Variants in GRIN2A observed in about 807,000 individuals in gnomAD.
The protein encoded by GRIN2A is glutamate receptor ionotropic, NMDA 2A.
In GRIN2A, 22 loss-of-function variants were observed where a neutral mutation model predicts 113.4. The ratio of observed to expected loss-of-function variants is 0.19; its 90% CI spans 0.14 to 0.28. The LOEUF (loss-of-function observed/expected upper bound fraction) is 0.28, where lower values mean the gene tolerates loss of function less well. Ranked by LOEUF, GRIN2A falls within the 10% of genes least tolerant of loss-of-function variation. The pLI, the probability that GRIN2A is intolerant of heterozygous loss-of-function variation, is 1.00. For missense variants in GRIN2A, 1,502 were observed against 1,887.0 expected, an observed-to-expected ratio of 0.80 and a Z score of 3.78; for synonymous variants, 827 against 738.4, an observed-to-expected ratio of 1.12 and a Z score of -1.94.
chr16:9,946,119 T>C (rs2045012114), intron 2 of GRIN2A, among the ~76,000 whole-genome samples: 1 of 152,286 alleles, frequency 6.6e-6, no homozygotes, highest in African/African-American at 2.4e-5. Flanking sequence ...GCTTTCTAGA[T>C]CATTAGCAGG....
chr16:9,779,973 C>G (rs139248811), intron 11 of GRIN2A, among the ~76,000 whole-genome samples: 1 of 152,312 alleles, frequency 6.6e-6, no homozygotes, highest in Non-Finnish European at 1.5e-5. Flanking sequence ...GTTACATGAA[C>G]CAAGGTCACA....
At chr16:10,094,596 C>T (rs1037238433) in intron 2 of GRIN2A, among the ~76,000 whole-genome samples, 2 of 152,006 alleles carry the variant, frequency 1.3e-5, no homozygotes, top group Admixed American at 6.6e-5. Flanking sequence ...AGTACAGGCA[C>T]CCACCACAAT....
In GRIN2A at chr16:9,820,268, A is replaced by G. The variant is rs1420043; in HGVS notation, c.2168+1996T>C. 9.1e-3 allele frequency among the ~76,000 whole-genome samples: 1,380 copies of G among 152,332 alleles called. 29 individuals are homozygous for G. Among genetic ancestry groups the G allele is most frequent in the African/African-American group, 0.032 (1,324 of 41,574 alleles). Reference sequence around the variant, plus strand: ...ACTGTCTCCAACCATTATCATCTGCATTTGTGCGCATGGTCTGTCCAAAAC... The same window carrying G: ...ACTGTCTCCAACCATTATCATCTGCGTTTGTGCGCATGGTCTGTCCAAAAC... On this transcript the variant is annotated intron_variant, in intron 10 of 12. Transcript: ENST00000330684.
intron 4 of GRIN2A, among the ~76,000 whole-genome samples, chr16:9,876,490 C>T (rs904698681): frequency 6.6e-6 from 1 of 152,142 alleles, no homozygotes; most frequent in African/African-American, 2.4e-5. Context: ...CCTCCATACA[C>T]TAGCGTTGGC....
intron 2 of GRIN2A, among the ~76,000 whole-genome samples, chr16:9,980,807 G>T (rs1427756589): frequency 7.6e-6 from 1 of 131,284 alleles, no homozygotes; most frequent in Non-Finnish European, 1.6e-5. Flanking sequence ...ATGGACACAG[G>T]AAGGGGAACA....
chr16:10,093,037 G>A (rs1238906377), intron 2 of GRIN2A, among the ~76,000 whole-genome samples: 3 of 151,930 alleles, frequency 2.0e-5, no homozygotes, highest in Admixed American at 6.6e-5. Flanking sequence ...GTGGGGTTTC[G>A]CCATGTTGGC....
rs1389945201 is a variant in GRIN2A at position 9,836,314 on chromosome 16, C to T, written c.1652-2084G>A. On this transcript the variant is annotated intron_variant, in intron 7 of 12. Transcript: ENST00000330684. The stretch of plus-strand genomic sequence containing the variant: ...AGCCAGAAATACTGGGGCAACAATA[C>T]GCTGTCCATGGTTCTGAAAAGGGCG... 3.9e-5 allele frequency among the ~76,000 whole-genome samples: 6 copies of T among 152,118 alleles called. 1 individual carries two copies. The highest frequency in any genetic ancestry group is 3.3e-4 in the Admixed American group (5 of 15,270).
chr16:10,064,740 C>G (rs190941984), intron 2 of GRIN2A, among the ~76,000 whole-genome samples: 2 of 152,332 alleles, frequency 1.3e-5, no homozygotes, highest in East Asian at 3.9e-4. Context: ...CTGACTCTTA[C>G]TTGCATAGTC....
intron 9 of GRIN2A, among the ~76,000 whole-genome samples, chr16:9,828,126 G>A (rs1033432788): frequency 6.6e-6 from 1 of 152,148 alleles, no homozygotes; most frequent in African/African-American, 2.4e-5. Context: ...GAGAAGATTG[G>A]GGAAGAACAT....
At chr16:9,982,456 C>T (rs3105690) in intron 2 of GRIN2A, among the ~76,000 whole-genome samples, 131,596 of 152,198 alleles carry the variant, frequency 0.86, 57,357 homozygotes, top group African/African-American at 0.93. Flanking sequence ...CCCGGAACTA[C>T]GCCAAAAAGA....
At chr16:10,123,296 T>C (rs1020600841) in intron 2 of GRIN2A, among the ~76,000 whole-genome samples, 1 of 152,210 alleles carries the variant, frequency 6.6e-6, no homozygotes, top group Non-Finnish European at 1.5e-5. Context: ...TACTTAGATG[T>C]AATACTATGT....
rs1373636631 is a variant in GRIN2A, at chr16:9,829,477, G to T, written c.1953C>A (p.Ala651=). The part of the protein sequence containing the change: ...FLASYTANLA[A]FMIQEEFVDQ... ...CCACAAATTCCTCTTGGATCATGAA[G>T]GCAGCCAGATTGGCTGTGTAGCTAG... The change falls in exon 9 of 13, where the codon GCC becomes GCA. Residue 651 remains alanine, a synonymous_variant. Coordinates refer to ENST00000330684, the MANE Select transcript of GRIN2A (RefSeq NM_001134407.3). The T allele has an allele frequency of 1.2e-6, 2 of 1,614,016 alleles. No individual in the cohort carries two copies. The highest frequency in any genetic ancestry group is 1.7e-6 in the Non-Finnish European group (2 of 1,179,930).
intron 2 of GRIN2A, among the ~76,000 whole-genome samples, chr16:10,086,622 A>C (rs975402132): frequency 1.3e-5 from 2 of 151,716 alleles, no homozygotes; most frequent in African/African-American, 4.8e-5. Flanking sequence ...AAAAAAAAAA[A>C]AAAAGGAAAC....
At position 9,849,885 on chromosome 16, in the gene GRIN2A, T is replaced by A. The variant is rs2042851887; in HGVS notation, c.1199A>T (p.Glu400Val). 1 of 1,613,906 alleles carries A rather than the reference T, an allele frequency of 6.2e-7. No individual in the cohort carries two copies. The highest frequency in any genetic ancestry group is 8.5e-7 in the Non-Finnish European group (1 of 1,179,926). Reference sequence around the variant, plus strand: ...GATGCTGAGATGGTTGTCATCCGGCTCACAGTCGGAGAAGGACTTGTACCT... The same window carrying A: ...GATGCTGAGATGGTTGTCATCCGGCACACAGTCGGAGAAGGACTTGTACCT... ...WPRYKSFSDCEPDDNHLSIVT... is the reference protein window; with the variant it reads ...WPRYKSFSDCVPDDNHLSIVT... Residue 400 changes from glutamate (E) to valine (V), a missense_variant, in exon 5 of 13, where the codon GAG (glutamate) becomes GTG (valine). This residue lies in a region of GRIN2A where 334 missense variants were observed against 403.0 expected (regional missense o/e 0.83). Coordinates refer to ENST00000330684, the MANE Select transcript of GRIN2A (RefSeq NM_001134407.3).
intron 2 of GRIN2A, among the ~76,000 whole-genome samples, chr16:10,117,857 C>A (rs1480693193): frequency 6.6e-6 from 1 of 152,222 alleles, no homozygotes; most frequent in Non-Finnish European, 1.5e-5. Context: ...CTTTCCTCAT[C>A]AAGCATCCAT....
intron 3 of GRIN2A, among the ~76,000 whole-genome samples, chr16:9,899,720 T>G (rs1251196603): frequency 2.0e-5 from 3 of 152,290 alleles, no homozygotes; most frequent in South Asian, 4.1e-4. Context: ...TTCTGATCAC[T>G]GCAACTCTAA....
At position 10,182,341 on chromosome 16, in the gene GRIN2A, C is replaced by G. The variant is rs1448183420; in HGVS notation, c.-483G>C. The G allele has an allele frequency of 6.6e-6, 1 of 152,382 alleles. No homozygotes were observed. Among genetic ancestry groups the G allele is most frequent in the Non-Finnish European group, 1.5e-5 (1 of 68,176 alleles). 9.4% of individuals were successfully genotyped at this position (152,382 alleles called of 1,614,324 possible). A position where few individuals can be genotyped will look rare whatever the true frequency, so the allele number is the denominator to read the frequency against. ...ACGAGAAGCTAACTGGGCACCTCCACCCGCACCCCCTACCACCTCCCCAGC... is the reference window on the plus strand; with the variant it reads ...ACGAGAAGCTAACTGGGCACCTCCAGCCGCACCCCCTACCACCTCCCCAGC... On this transcript the variant is annotated 5_prime_UTR_variant, in exon 1 of 13. Coordinates refer to ENST00000330684, the MANE Select transcript of GRIN2A (RefSeq NM_001134407.3).
chr16:9,808,185 T>C (rs1437984676), intron 10 of GRIN2A, among the ~76,000 whole-genome samples: 1 of 152,228 alleles, frequency 6.6e-6, no homozygotes, highest in Non-Finnish European at 1.5e-5. Context: ...TACTATGTGC[T>C]GGACACTGCA....
intron 2 of GRIN2A, among the ~76,000 whole-genome samples, chr16:10,103,034 C>G (rs2048429812): frequency 1.3e-5 from 2 of 152,174 alleles, no homozygotes; most frequent in Non-Finnish European, 2.9e-5. Flanking sequence ...AATGAATGAT[C>G]CTTGACATCA....
Sources: gnomAD v4.1 joint callset for allele counts (sites outside exome capture counted in the v4.1 genomes callset) on GRCh38, gnomAD v4.1.1 for gene constraint, gnomAD v4.1.1 regional missense constraint, MANE v1.5 for transcripts, NCBI Gene and HGNC (gene_info 2026-07-23, HGNC 2026-07-21) for gene names.